Variants in MSI2 observed in about 807,000 individuals in gnomAD.
The protein encoded by MSI2 is RNA-binding protein Musashi homolog 2.
A neutral mutation model predicts 45.6 loss-of-function variants in MSI2; 17 were observed. The observed-to-expected ratio is 0.37, with a 90% confidence interval of 0.26 to 0.56. The LOEUF (loss-of-function observed/expected upper bound fraction) is 0.56, where lower values mean the gene tolerates loss of function less well. Among genes scored for constraint, MSI2 ranks in the 20% least tolerant of loss-of-function variants. MSI2 has a pLI of 0.77. For missense variants in MSI2, 293 were observed against 444.2 expected (o/e 0.66, Z 3.06); for synonymous variants, 156 against 158.2 (o/e 0.99, Z 0.11).
chr17:57,357,686 C>A (rs548006630), intron 5 of MSI2, among the ~76,000 whole-genome samples: 2 of 152,132 alleles, frequency 1.3e-5, no homozygotes, highest in Non-Finnish European at 2.9e-5. Flanking sequence ...TCATGACCTG[C>A]CCGACTTGAT....
chr17:57,416,540 G>A (rs1444163875), intron 6 of MSI2, among the ~76,000 whole-genome samples: 1 of 152,170 alleles, frequency 6.6e-6, no homozygotes, highest in African/African-American at 2.4e-5. Context: ...CTCGTGGACT[G>A]GGATTTTTCT....
In MSI2 at chr17:57,683,469, T is replaced by A; in HGVS notation, c.*3952T>A. 4.4e-6 allele frequency: 1 copy of A among 229,648 alleles called. No homozygotes were observed. The highest frequency in any genetic ancestry group is 5.7e-5 in the Admixed American group (1 of 17,656). 14.2% of individuals were successfully genotyped at this position (229,648 alleles called of 1,614,324 possible). Reference sequence around the variant, plus strand: ...GCCTCCTCCACCACCTCCACACTGCTTCATTCTGCCATTCACTCACTGCAG... The same window carrying A: ...GCCTCCTCCACCACCTCCACACTGCATCATTCTGCCATTCACTCACTGCAG... On this transcript the variant is annotated 3_prime_UTR_variant, in exon 14 of 14. Transcript: ENST00000284073. This position sits in a 1 kb window ranked among gnomAD's most constrained non-coding sequence, Gnocchi z 5.2.
chr17:57,431,213 G>A (rs2084588018), intron 6 of MSI2, among the ~76,000 whole-genome samples: 1 of 152,188 alleles, frequency 6.6e-6, no homozygotes, highest in African/African-American at 2.4e-5. Flanking sequence ...CAGGCAGGCT[G>A]CACTCTAGGC....
chr17:57,555,044 G>A (rs1265148678), intron 7 of MSI2, among the ~76,000 whole-genome samples: 1 of 152,224 alleles, frequency 6.6e-6, no homozygotes, highest in African/African-American at 2.4e-5. Flanking sequence ...TCTGCTTCCT[G>A]TGGGTGAGAA....
chr17:57,494,332 A>G (rs1243278634), intron 6 of MSI2, among the ~76,000 whole-genome samples: 1 of 152,204 alleles, frequency 6.6e-6, no homozygotes, highest in African/African-American at 2.4e-5. Flanking sequence ...CTGGACTCCC[A>G]TGCCCAACAG....
At chr17:57,498,208 G>A (rs2143846727) in intron 6 of MSI2, among the ~76,000 whole-genome samples, 1 of 152,224 alleles carries the variant, frequency 6.6e-6, no homozygotes, top group South Asian at 2.1e-4. Flanking sequence ...GAATAAACAT[G>A]GTATTTTTCT....
intron 7 of MSI2, among the ~76,000 whole-genome samples, chr17:57,574,097 G>A (rs574890533): frequency 6.6e-6 from 1 of 152,244 alleles, no homozygotes; most frequent in Non-Finnish European, 1.5e-5. Flanking sequence ...GTCAGTCCCA[G>A]GTTGGGAAAG....
intron 6 of MSI2, among the ~76,000 whole-genome samples, chr17:57,446,996 A>G (rs2084912164): frequency 6.6e-6 from 1 of 152,230 alleles, no homozygotes; most frequent in South Asian, 2.1e-4. Flanking sequence ...CCAAAAATCC[A>G]TGCGCTGCAA....
chr17:57,443,123 A>G (rs1304916713), intron 6 of MSI2, among the ~76,000 whole-genome samples: 1 of 152,112 alleles, frequency 6.6e-6, no homozygotes, highest in Non-Finnish European at 1.5e-5. Flanking sequence ...CACTTAGGAC[A>G]ACAAAATCCA....
At chr17:57,516,313 G>C (rs192121189) in intron 6 of MSI2, among the ~76,000 whole-genome samples, 6 of 152,234 alleles carry the variant, frequency 3.9e-5, no homozygotes, top group African/African-American at 1.2e-4. Flanking sequence ...ATACAGCCTT[G>C]ATACTGACTT....
chr17:57,637,314 G>A (rs748379386), intron 10 of MSI2, among the ~76,000 whole-genome samples: 11 of 152,230 alleles, frequency 7.2e-5, no homozygotes, highest in South Asian at 6.2e-4. Flanking sequence ...CACGAGGCTC[G>A]TCGGGGCTGT....
In MSI2 at chr17:57,536,538, G is replaced by T. The variant is rs180761130; in HGVS notation, c.454+6814G>T. On this transcript the variant is annotated intron_variant, in intron 7 of 13. Transcript: ENST00000284073. ...TGTCTTCCCTGCTGGCATTTTACCG[G>T]TAGTATTTTCCCCACCTCTCAAATC... 1.4e-4 allele frequency among the ~76,000 whole-genome samples: 21 copies of T among 152,282 alleles called. No individual in the cohort carries two copies. The East Asian group carries it at 3.9e-3, about 28-fold the overall frequency.
chr17:57,294,053 C>G (rs1003022623), intron 5 of MSI2, among the ~76,000 whole-genome samples: 17 of 151,948 alleles, frequency 1.1e-4, no homozygotes, highest in African/African-American at 3.4e-4. Flanking sequence ...TACTGTCTCT[C>G]CAGGGTAGTG....
chr17:57,502,514 C>A (rs571428732), intron 6 of MSI2, among the ~76,000 whole-genome samples: 3 of 147,162 alleles, frequency 2.0e-5, no homozygotes, highest in Non-Finnish European at 4.5e-5. Context: ...AGTGTCAGAT[C>A]TACAGTAATT....
chr17:57,615,124 AT>A (rs35618682), intron 8 of MSI2, among the ~76,000 whole-genome samples: 34,004 of 132,530 alleles, frequency 0.26, 4,498 homozygotes, highest in East Asian at 0.51. Context: ...TTGCACAAGA[AT>A]TTTTTTTTTT....
At chr17:57,655,599 T>TG (rs1490756501) in intron 11 of MSI2, among the ~76,000 whole-genome samples, 3 of 149,628 alleles carry the variant, frequency 2.0e-5, no homozygotes, top group Non-Finnish European at 4.4e-5. Flanking sequence ...TGGTGGTGAG[T>TG]GTGAGCAGTC....
intron 8 of MSI2, among the ~76,000 whole-genome samples, chr17:57,607,489 T>TA (rs1447837725): frequency 1.3e-5 from 2 of 152,180 alleles, no homozygotes; most frequent in Non-Finnish European, 2.9e-5. Flanking sequence ...CAAGGAAAGT[T>TA]ATCATTTACA....
downstream of MSI2, among the ~76,000 whole-genome samples, chr17:57,689,394 A>G (rs550857349): frequency 6.6e-6 from 1 of 152,300 alleles, no homozygotes; most frequent in East Asian, 1.9e-4. Context: ...ATGCCAAAAG[A>G]GTCCTGTGGT....
intron 5 of MSI2, among the ~76,000 whole-genome samples, chr17:57,299,266 G>T (rs187407362): frequency 6.6e-6 from 1 of 152,220 alleles, no homozygotes; most frequent in African/African-American, 2.4e-5. Flanking sequence ...TATCGTTCAT[G>T]TGTTCACTGG....
Sources: allele counts gnomAD v4.1 joint callset (sites outside exome capture counted in the v4.1 genomes callset), GRCh38; gene constraint gnomAD v4.1.1; non-coding constraint Gnocchi (gnomAD v3.1); transcripts MANE v1.5; gene names NCBI Gene and HGNC (gene_info 2026-07-23, HGNC 2026-07-21).